DTNA: variants seen among roughly 807,000 people sequenced by gnomAD.
DTNA encodes the protein dystrophin-related protein 3.
In DTNA, 43 loss-of-function variants were observed where a neutral mutation model predicts 100.7. That is an observed-to-expected ratio of 0.43 (90% CI 0.33 to 0.55). The LOEUF (loss-of-function observed/expected upper bound fraction) is 0.55, where lower values mean the gene tolerates loss of function less well. DTNA is among the 20% of genes least tolerant of loss of function. DTNA has a pLI of 0.04. For missense variants in DTNA, 798 were observed against 953.9 expected, an observed-to-expected ratio of 0.84 and a Z score of 2.15; for synonymous variants, 349 against 347.9, an observed-to-expected ratio of 1.00 and a Z score of -0.04.
rs73946109 is a variant in DTNA at position 34,622,909 on chromosome 18, T to G, written c.-2+129395T>G. Among the ~76,000 whole-genome samples the G allele has an allele frequency of 9.3e-3, 1,409 of 152,322 alleles. 23 individuals carry two copies. Among genetic ancestry groups the G allele is most frequent in the African/African-American group, 0.032 (1,334 of 41,578 alleles). ...TCTTGGAACTTCTCAGCCTCCATAA[T>G]AATGCCGGTTTGTTTAATAAATCCT... On this transcript the variant is annotated intron_variant, in intron 1 of 19. Coordinates refer to the DTNA transcript ENST00000283365.
intron 10 of DTNA, 48 bp downstream of exon 10, chr18:34,827,724 C>T (rs2095892371): frequency 6.4e-7 from 1 of 1,562,596 alleles, no homozygotes; most frequent in African/African-American, 1.4e-5. Flanking sequence ...TGGTAATGAG[C>T]CTTGATTCTG....
intron 1 of DTNA, among the ~76,000 whole-genome samples, chr18:34,687,910 T>C (rs2079139996): frequency 1.3e-5 from 2 of 152,216 alleles, no homozygotes; most frequent in Non-Finnish European, 1.5e-5. Context: ...TTTGTCTTTA[T>C]TGATCTTTGT....
At chr18:34,520,913 T>A (rs2042092187) in intron 1 of DTNA, among the ~76,000 whole-genome samples, 2 of 152,098 alleles carry the variant, frequency 1.3e-5, no homozygotes, top group Non-Finnish European at 2.9e-5. Flanking sequence ...CTCCCATATA[T>A]CAAACTCCTT....
chr18:34,543,139 A>G (rs2730113), intron 1 of DTNA, among the ~76,000 whole-genome samples: 138,081 of 152,052 alleles, frequency 0.91, 62,703 homozygotes, highest in East Asian at 0.96. Flanking sequence ...TTCCAGAAAT[A>G]ATATTAGAAG....
rs1285500482 is a variant in DTNA at position 34,504,019 on chromosome 18, C to CT, written c.-2+10515dup. On this transcript the variant is annotated intron_variant, in intron 1 of 19. Transcript: ENST00000283365. ...CTGGCTAATTTTATTTTTTTTCTTT[C>CT]TTTTTTTTTTGTATTTTTAGTAGAG... 538 of 147,434 alleles carry CT rather than the reference C, an allele frequency of 3.6e-3. 2 individuals are homozygous for CT. Among genetic ancestry groups the CT allele is most frequent in the African/African-American group, 0.012 (503 of 40,278 alleles). The allele number at this position is 147,434 out of a possible 1,614,324, so 9.1% of individuals were successfully genotyped here. A position where few individuals can be genotyped will look rare whatever the true frequency, so the allele number is the denominator to read the frequency against.
upstream of DTNA, among the ~76,000 whole-genome samples, chr18:34,707,892 T>G (rs1189277808): frequency 2.6e-5 from 4 of 152,116 alleles, no homozygotes; most frequent in Non-Finnish European, 5.9e-5. Flanking sequence ...TCATCATGAG[T>G]CACCGCGCTG....
At chr18:34,553,639 C>T (rs2045698838) in intron 1 of DTNA, among the ~76,000 whole-genome samples, 1 of 152,000 alleles carries the variant, frequency 6.6e-6, no homozygotes, top group African/African-American at 2.4e-5. Flanking sequence ...AATAGGGAAT[C>T]CTTTCCCTAT....
intron 15 of DTNA, among the ~76,000 whole-genome samples, chr18:34,856,042 A>T (rs2096548605): frequency 6.6e-6 from 1 of 152,154 alleles, no homozygotes; most frequent in African/African-American, 2.4e-5. Context: ...TGTTTCCTGG[A>T]TGTTTTTGGA....
At chr18:34,730,611 AT>A (rs1211664722) in intron 1 of DTNA, among the ~76,000 whole-genome samples, 2 of 152,184 alleles carry the variant, frequency 1.3e-5, no homozygotes, top group Non-Finnish European at 2.9e-5. Context: ...ATATGTCCTC[AT>A]TTGGATAACC....
intron 8 of DTNA, 174 bp downstream of exon 8, chr18:34,818,504 T>C (rs1262404198): frequency 1.3e-6 from 2 of 1,505,760 alleles, no homozygotes. Flanking sequence ...TTACTTATTC[T>C]GTTGGAACCC....
chr18:34,707,750 T>C (rs1180017950), upstream of DTNA, among the ~76,000 whole-genome samples: 6 of 152,180 alleles, frequency 3.9e-5, no homozygotes, highest in Non-Finnish European at 8.8e-5. Context: ...ATTATTCAAA[T>C]TGGGGTTCAA....
chr18:34,545,670 C>T (rs2044703325), intron 1 of DTNA, among the ~76,000 whole-genome samples: 1 of 152,068 alleles, frequency 6.6e-6, no homozygotes, highest in Non-Finnish European at 1.5e-5. Flanking sequence ...GTTTGGATTT[C>T]AGAGCTTCCC....
chr18:34,548,801 A>G (rs1030207533), intron 1 of DTNA, among the ~76,000 whole-genome samples: 4 of 152,154 alleles, frequency 2.6e-5, no homozygotes, highest in Non-Finnish European at 5.9e-5. Context: ...GGGTAACTGC[A>G]TAATGGCATT....
At chr18:34,840,725 A>G (rs1282120319) in intron 13 of DTNA, among the ~76,000 whole-genome samples, 2 of 152,204 alleles carry the variant, frequency 1.3e-5, no homozygotes, top group African/African-American at 4.8e-5. Flanking sequence ...AACAAAGCAG[A>G]ATTTAAGGCC....
In DTNA at chr18:34,867,668, C is replaced by T. The variant is rs1191139747; in HGVS notation, c.1743+3606C>T. 3 of 988,280 alleles carry T rather than the reference C, an allele frequency of 3.0e-6. No homozygotes were observed. The African/African-American group carries it at 5.2e-5, about 17-fold the overall frequency. 61.2% of individuals were successfully genotyped at this position (988,280 alleles called of 1,614,324 possible). ...CCTGTCGTCATCAGCCTTGCTTTAG[C>T]CATTTCCCTTGGGGATACTTTCCAG... On this transcript the variant is annotated intron_variant, in intron 17 of 22. Coordinates refer to ENST00000444659, the MANE Select transcript of DTNA (RefSeq NM_001386795.1).
chr18:34,514,666 G>A (rs1230578866), intron 1 of DTNA, among the ~76,000 whole-genome samples: 2 of 152,080 alleles, frequency 1.3e-5, no homozygotes, highest in African/African-American at 4.8e-5. Flanking sequence ...AGGCTGGAAA[G>A]TCCAAGATTA....
chr18:34,785,835 T>G (rs75195463), intron 3 of DTNA, among the ~76,000 whole-genome samples: 1 of 124,154 alleles, frequency 8.1e-6, no homozygotes, highest in Non-Finnish European at 1.8e-5. Context: ...AGGGACCTAT[T>G]TTGTACACTC....
intron 1 of DTNA, among the ~76,000 whole-genome samples, chr18:34,505,218 C>T (rs563894373): frequency 6.6e-6 from 1 of 152,312 alleles, no homozygotes; most frequent in Non-Finnish European, 1.5e-5. Flanking sequence ...TGACTACAAT[C>T]CCTTCCTTGG....
chr18:34,786,901 A>G (rs2094528876), intron 3 of DTNA, among the ~76,000 whole-genome samples: 1 of 152,216 alleles, frequency 6.6e-6, no homozygotes, highest in Non-Finnish European at 1.5e-5. Context: ...CAACCTACGA[A>G]GACATTTCAG....
Sources: gnomAD v4.1 joint callset for allele counts (sites outside exome capture counted in the v4.1 genomes callset) on GRCh38, gnomAD v4.1.1 for gene constraint, MANE v1.5 for transcripts, NCBI Gene and HGNC (gene_info 2026-07-23, HGNC 2026-07-21) for gene names.